The following RGS20 variants were observed in gnomAD, a reference collection of about 807,000 sequenced individuals.
The protein encoded by RGS20 is regulator of G protein signaling 20, also known as gz-selective GTPase-activating protein.
A neutral mutation model predicts 33.6 loss-of-function variants in RGS20; 30 were observed. The observed-to-expected ratio is 0.89, with a 90% CI of 0.67 to 1.21. RGS20 has a LOEUF of 1.21. Ranked by LOEUF, RGS20 falls within the 50% of genes most tolerant of loss-of-function variation. The pLI, the probability that RGS20 is intolerant of heterozygous loss-of-function variation, is 0.00. For synonymous variants in RGS20, 208 were observed against 197.9 expected, an observed-to-expected ratio of 1.05 and a Z score of -0.43; for missense variants, 472 against 502.4, an observed-to-expected ratio of 0.94 and a Z score of 0.58.
chr8:53,856,422 T>C (rs1811671390), intron 1 of RGS20, among the ~76,000 whole-genome samples: 1 of 152,142 alleles, frequency 6.6e-6, no homozygotes, highest in Non-Finnish European at 1.5e-5. Flanking sequence ...TTTCACCATG[T>C]TGACTGGGCT....
chr8:53,864,242 C>T (rs918288339), intron 1 of RGS20, among the ~76,000 whole-genome samples: 5 of 150,636 alleles, frequency 3.3e-5, no homozygotes, highest in Non-Finnish European at 7.4e-5. Flanking sequence ...CCAGCCTGGC[C>T]AACATGGTGA....
chr8:53,944,266 G>C (rs1477267124), intron 3 of RGS20, among the ~76,000 whole-genome samples: 1 of 152,130 alleles, frequency 6.6e-6, no homozygotes, highest in African/African-American at 2.4e-5. Context: ...TTGGCCAGGC[G>C]CGATGGCTCA....
intron 1 of RGS20, among the ~76,000 whole-genome samples, chr8:53,859,166 G>A (rs2129267256): frequency 6.6e-6 from 1 of 152,250 alleles, no homozygotes; most frequent in East Asian, 1.9e-4. Flanking sequence ...CCAAAGACTA[G>A]AGCTTACGAT....
At chr8:53,888,933 A>C (rs920150786) in intron 2 of RGS20, among the ~76,000 whole-genome samples, 1 of 152,212 alleles carries the variant, frequency 6.6e-6, no homozygotes, top group African/African-American at 2.4e-5. Flanking sequence ...GTGTGAATAC[A>C]CCACAGTGTA....
intron 2 of RGS20, among the ~76,000 whole-genome samples, chr8:53,890,414 A>T (rs998797870): frequency 6.6e-6 from 1 of 152,148 alleles, no homozygotes; most frequent in Non-Finnish European, 1.5e-5. Flanking sequence ...GTGTGCCTGT[A>T]TCCATTTTTT....
At chr8:53,913,218 A>T (rs918325995) in intron 2 of RGS20, among the ~76,000 whole-genome samples, 1 of 152,086 alleles carries the variant, frequency 6.6e-6, no homozygotes, top group Admixed American at 6.6e-5. Context: ...CACCCGCCTC[A>T]GGCTCCAAAG....
chr8:53,892,436 G>A (rs1036421826), intron 2 of RGS20, among the ~76,000 whole-genome samples: 11 of 152,286 alleles, frequency 7.2e-5, no homozygotes, highest in Admixed American at 5.9e-4. Context: ...TCAGTGTGGC[G>A]ATTCCTCAGG....
chr8:53,917,190 C>G (rs982155894), intron 2 of RGS20, among the ~76,000 whole-genome samples: 1 of 152,044 alleles, frequency 6.6e-6, no homozygotes, highest in Admixed American at 6.6e-5. Context: ...TCTTGTTGCC[C>G]AGGCTGGAGT....
At chr8:53,880,177 TC>T in intron 2 of RGS20, 1 of 152,506 alleles carries the variant, frequency 6.6e-6, no homozygotes, top group Non-Finnish European at 1.5e-5. Context: ...GCGGCTGGGT[TC>T]CCCCTCCCGC....
chr8:53,931,036 C>A (rs1465189921), intron 2 of RGS20, among the ~76,000 whole-genome samples: 2 of 152,104 alleles, frequency 1.3e-5, no homozygotes, highest in African/African-American at 4.8e-5. Flanking sequence ...AGAGTTTCTG[C>A]CTTCGAAGCT....
chr8:53,908,980 T>TA (rs1333570992), intron 2 of RGS20, among the ~76,000 whole-genome samples: 2 of 151,840 alleles, frequency 1.3e-5, no homozygotes, highest in African/African-American at 4.8e-5. Flanking sequence ...TTATTCTTTT[T>TA]AAAAATATAC....
intron 1 of RGS20, among the ~76,000 whole-genome samples, chr8:53,878,303 C>A (rs1192635529): frequency 6.6e-6 from 1 of 152,114 alleles, no homozygotes; most frequent in African/African-American, 2.4e-5. Flanking sequence ...CCTTAAAAAG[C>A]CACTGAGTTC....
At chr8:53,909,368 G>A (rs927209485) in intron 2 of RGS20, among the ~76,000 whole-genome samples, 1 of 150,828 alleles carries the variant, frequency 6.6e-6, no homozygotes, top group South Asian at 2.1e-4. Context: ...TCCAGCCTCA[G>A]CCTCCCAAAT....
intron 1 of RGS20, among the ~76,000 whole-genome samples, chr8:53,874,115 G>T (rs1812138797): frequency 6.6e-6 from 1 of 152,118 alleles, no homozygotes; most frequent in African/African-American, 2.4e-5. Context: ...CATAAGAATT[G>T]CTTGAAGCCA....
chr8:53,936,344 A>G (rs910660789), intron 2 of RGS20, among the ~76,000 whole-genome samples: 1 of 152,226 alleles, frequency 6.6e-6, no homozygotes, highest in South Asian at 2.1e-4. Context: ...GTATATTTAG[A>G]AAACCTCATC....
At chr8:53,892,349 A>G (rs928943377) in intron 2 of RGS20, among the ~76,000 whole-genome samples, 14 of 152,224 alleles carry the variant, frequency 9.2e-5, no homozygotes, top group African/African-American at 3.4e-4. Context: ...CGCAATAAAC[A>G]TACATGTGCA....
chr8:53,907,298 G>A (rs1385299335), intron 2 of RGS20, among the ~76,000 whole-genome samples: 1 of 151,996 alleles, frequency 6.6e-6, no homozygotes, highest in Non-Finnish European at 1.5e-5. Flanking sequence ...AAGATTTAAA[G>A]AATCTTGGCT....
Position 53,858,304 on chromosome 8 carries a change from T to A in RGS20, c.165+6240T>A, listed in dbSNP as rs190061992. ...CACTGGGCTCTAATCTGAGCACCTG[T>A]ACACTCCACTTACAATTCTGATTAA... On this transcript the variant is annotated intron_variant, in intron 1 of 5. Transcript: ENST00000297313. Among the ~76,000 whole-genome samples the A allele has an allele frequency of 1.4e-3, 212 of 152,236 alleles. 1 individual carries two copies. The highest frequency in any genetic ancestry group is 4.9e-3 in the African/African-American group (202 of 41,542).
chr8:53,917,332 A>G (rs1291959590), intron 2 of RGS20, among the ~76,000 whole-genome samples: 1 of 152,028 alleles, frequency 6.6e-6, no homozygotes, highest in Non-Finnish European at 1.5e-5. Flanking sequence ...TATTTTCAGT[A>G]GAGACAGGGT....
Sources: allele counts gnomAD v4.1 joint callset (sites outside exome capture counted in the v4.1 genomes callset), GRCh38; gene constraint gnomAD v4.1.1; transcripts MANE v1.5; gene names NCBI Gene and HGNC (gene_info 2026-07-23, HGNC 2026-07-21).